EHHADH: variants seen among roughly 807,000 people sequenced by gnomAD.
The protein encoded by EHHADH is enoyl-CoA hydratase and 3-hydroxyacyl CoA dehydrogenase.
A neutral mutation model predicts 64.4 loss-of-function variants in EHHADH; 48 were observed. The ratio of observed to expected loss-of-function variants is 0.75; its 90% CI spans 0.59 to 0.95. The LOEUF is 0.95. Ranked by LOEUF, EHHADH falls within the 40% of genes least tolerant of loss-of-function variation. The pLI is 0.00. For synonymous variants in EHHADH, 308 were observed against 326.7 expected (o/e 0.94, Z 0.62); for missense variants, 854 against 876.6 (o/e 0.97, Z 0.33).
Position 185,204,420 on chromosome 3 carries a change from A to C in EHHADH, c.906T>G (p.Val302=). 6.2e-7 allele frequency: 1 copy of C among 1,600,366 alleles called. No individual in the cohort carries two copies. The highest frequency in any genetic ancestry group is 8.5e-7 in the Non-Finnish European group (1 of 1,172,990). Reference sequence around the variant, plus strand: ...TTCATTACCCCATGGTCTTACCAACAACACCAACTGAGGAGACAGGCCGCG... The same window carrying C: ...TTCATTACCCCATGGTCTTACCAACCACACCAACTGAGGAGACAGGCCGCG... ...ASARPVSSVG[V]VGLGTMGRGI... Residue 302 remains valine (V), a synonymous_variant, in exon 6 of 7, where the codon GTT becomes GTG. Coordinates refer to ENST00000231887, the MANE Select transcript of EHHADH (RefSeq NM_001966.4).
intron 1 of EHHADH, among the ~76,000 whole-genome samples, chr3:185,251,818 A>C (rs543325637): frequency 6.6e-6 from 1 of 152,338 alleles, no homozygotes; most frequent in Admixed American, 6.5e-5. Flanking sequence ...AAAAGTTCAG[A>C]AGACAGACAA....
chr3:185,239,591 T>C (rs1036908976), intron 2 of EHHADH, among the ~76,000 whole-genome samples: 1 of 152,184 alleles, frequency 6.6e-6, no homozygotes, highest in Non-Finnish European at 1.5e-5. Context: ...TTGAACGTTA[T>C]TGGTGTATAG....
At chr3:185,251,226 GT>G (rs879700919) in intron 1 of EHHADH, among the ~76,000 whole-genome samples, 19 of 146,346 alleles carry the variant, frequency 1.3e-4, no homozygotes, top group East Asian at 4.0e-4. Context: ...TTTTTAGACA[GT>G]TTTTTTTTTT....
intron 5 of EHHADH, among the ~76,000 whole-genome samples, chr3:185,217,116 T>C (rs1253958601): frequency 6.6e-6 from 1 of 152,110 alleles, no homozygotes; most frequent in Non-Finnish European, 1.5e-5. Context: ...CATGTTGAAA[T>C]GTGGTCCCCA....
In EHHADH at chr3:185,192,304, T is replaced by A. The variant is rs370130327; in HGVS notation, c.2094A>T (p.Leu698=). 2.5e-6 allele frequency: 4 copies of A among 1,614,084 alleles called. No individual in the cohort carries two copies. The highest frequency in any genetic ancestry group is 3.3e-5 in the Admixed American group (2 of 60,004). ...DIPQLEPSDY[L]KKLASQGNPP... is the part of the protein sequence containing the mutation. ...GGTTTCCCTGAGAAGCCAGTTTTTT[T>A]AGATAGTCACTTGGCTCCAGTTGGG... The change falls in exon 7 of 7, where the codon CTA becomes CTT. Residue 698 remains leucine, a synonymous_variant. Coordinates refer to ENST00000231887, the MANE Select transcript of EHHADH (RefSeq NM_001966.4).
chr3:185,207,220 G>T (rs1273916263), intron 5 of EHHADH, among the ~76,000 whole-genome samples: 1 of 151,708 alleles, frequency 6.6e-6, no homozygotes, highest in African/African-American at 2.4e-5. Context: ...AGCCTGAGAG[G>T]TTGCAGTGAG....
chr3:185,253,988 G>GC lies in EHHADH; in HGVS notation c.34dup (p.Ala12GlyfsTer20). 6.2e-7 allele frequency: 1 copy of GC among 1,613,932 alleles called. No individual in the cohort carries two copies. Among genetic ancestry groups the GC allele is most frequent in the Non-Finnish European group, 8.5e-7 (1 of 1,179,918 alleles). On this transcript the variant is annotated frameshift_variant, in exon 1 of 7. Transcript: ENST00000231887. LOFTEE classifies it high-confidence loss of function. ...CGGCGGGTTTCGGAGGCGGATTAGCGCCAAGGCGTTGTGCAGCCGCGTATA... is the reference window on the plus strand; with the variant it reads ...CGGCGGGTTTCGGAGGCGGATTAGCGCCCAAGGCGTTGTGCAGCCGCGTATA...
intron 2 of EHHADH, among the ~76,000 whole-genome samples, chr3:185,238,235 TTTTGATATAATAATA>T (rs1427347944): frequency 2.0e-5 from 3 of 152,192 alleles, no homozygotes; most frequent in African/African-American, 7.2e-5. Context: ...TACAGGTATC[TTTTGATATAATAATA>T]TATTTTCCTT....
rs148084528 is a variant in EHHADH at position 185,200,803 on chromosome 3, C to T, written c.910+3613G>A. On this transcript the variant is annotated intron_variant, in intron 6 of 6. Transcript: ENST00000231887. Reference sequence around the variant, plus strand: ...GGTGTGGTGTGAGAACGTGAACTTGCAGGGTTACTAATCAGAACTGCGTCT... The same window carrying T: ...GGTGTGGTGTGAGAACGTGAACTTGTAGGGTTACTAATCAGAACTGCGTCT... 4.4e-3 allele frequency among the ~76,000 whole-genome samples: 664 copies of T among 152,236 alleles called. 10 individuals are homozygous for T. The highest frequency in any genetic ancestry group is 0.015 in the African/African-American group (608 of 41,540).
At position 185,208,171 on chromosome 3, in the gene EHHADH, G is replaced by A. The variant is rs562778633; in HGVS notation, c.569-3414C>T. ...GCTGCCCTGTTGTGAGCCACCCTAT[G>A]GTGAAGCCCACGTGGCAAAGAACTG... On this transcript the variant is annotated intron_variant, in intron 5 of 6. Transcript: ENST00000231887. Among the ~76,000 whole-genome samples the A allele has an allele frequency of 1.2e-4, 19 of 152,314 alleles. No individual in the cohort carries two copies. The South Asian group carries it at 3.7e-3, about 30-fold the overall frequency.
At chr3:185,236,790 C>A (rs973583274) in intron 2 of EHHADH, among the ~76,000 whole-genome samples, 1 of 152,078 alleles carries the variant, frequency 6.6e-6, no homozygotes, top group Non-Finnish European at 1.5e-5. Flanking sequence ...AAGTCTCAAG[C>A]CTATCATTCC....
At chr3:185,239,350 T>C (rs1036392535) in intron 2 of EHHADH, among the ~76,000 whole-genome samples, 30 of 152,322 alleles carry the variant, frequency 2.0e-4, no homozygotes, top group African/African-American at 5.3e-4. Context: ...AGGAATTGCA[T>C]TGAATCTGTA....
chr3:185,244,754 G>A (rs1231449089), intron 2 of EHHADH, among the ~76,000 whole-genome samples: 1 of 152,124 alleles, frequency 6.6e-6, no homozygotes, highest in African/African-American at 2.4e-5. Flanking sequence ...TAAGAAGCTA[G>A]AAGAGGCAAG....
intron 1 of EHHADH, among the ~76,000 whole-genome samples, chr3:185,250,053 T>C (rs79708594): frequency 1.3e-3 from 200 of 152,298 alleles, no homozygotes; most frequent in African/African-American, 4.5e-3. Flanking sequence ...GAGAAAATAA[T>C]TGAGGCCCCT....
Position 185,221,231 on chromosome 3 carries a change from A to G in EHHADH, c.464-2991T>C, listed in dbSNP as rs182641664. Reference sequence around the variant, plus strand: ...TATCTGTAAACCCTCAAATTTACAGACTCATTTTACACTATTATGATTTCC... The same window carrying G: ...TATCTGTAAACCCTCAAATTTACAGGCTCATTTTACACTATTATGATTTCC... On this transcript the variant is annotated intron_variant, in intron 4 of 6. Coordinates refer to ENST00000231887, the MANE Select transcript of EHHADH (RefSeq NM_001966.4). 6.6e-5 allele frequency among the ~76,000 whole-genome samples: 10 copies of G among 152,130 alleles called. No individual in the cohort carries two copies. The East Asian group carries it at 1.9e-3, about 29-fold the overall frequency.
chr3:185,239,771 T>C (rs1277559364), intron 2 of EHHADH, among the ~76,000 whole-genome samples: 1 of 152,154 alleles, frequency 6.6e-6, no homozygotes, highest in Non-Finnish European at 1.5e-5. Context: ...TGCCTTTTAT[T>C]TCTTTCTGTT....
rs147612086 is a variant in EHHADH at position 185,248,253 on chromosome 3, T to A, written c.178+161A>T. On this transcript the variant is annotated intron_variant, in intron 2 of 6. Coordinates refer to ENST00000231887, the MANE Select transcript of EHHADH (RefSeq NM_001966.4). ...TAAGCCCTTCTCTGGGTCTCTCTTG[T>A]AATTCCTGTCCCTTTCTCCACAGTG... The A allele has an allele frequency of 3.3e-3, 2,076 of 634,530 alleles. 36 individuals carry two copies. The African/African-American group carries it at 0.033, about 10-fold the overall frequency. The allele number at this position is 634,530 out of a possible 1,614,324, so 39.3% of individuals were successfully genotyped here. A position where few individuals can be genotyped will look rare whatever the true frequency, so the allele number is the denominator to read the frequency against.
chr3:185,221,719 C>G (rs1718840018), intron 4 of EHHADH, among the ~76,000 whole-genome samples: 3 of 151,794 alleles, frequency 2.0e-5, no homozygotes, highest in Admixed American at 2.0e-4. Context: ...ACTACAGGCC[C>G]ATGCCACCAC....
Position 185,248,486 on chromosome 3 carries a change from G to A in EHHADH, c.106C>T (p.Leu36=). 1 of 1,613,544 alleles carries A rather than the reference G, an allele frequency of 6.2e-7. No homozygotes were observed. The highest frequency in any genetic ancestry group is 8.5e-7 in the Non-Finnish European group (1 of 1,179,702). Residue 36 remains leucine (L), a synonymous_variant, in exon 2 of 7, where the codon CTA becomes TTA. Transcript: ENST00000231887. Reference sequence around the variant, plus strand: ...GTATGGTCTATTACAGCTTTCTGTAGTCCTTCTTTTATGTCACGGAGTAAA... The same window carrying A: ...GTATGGTCTATTACAGCTTTCTGTAATCCTTCTTTTATGTCACGGAGTAAA... ...TTLLRDIKEG[L]QKAVIDHTIK... is the part of the protein sequence containing the mutation.
Sources: gnomAD v4.1 joint callset for allele counts (sites outside exome capture counted in the v4.1 genomes callset) on GRCh38, gnomAD v4.1.1 for gene constraint, MANE v1.5 for transcripts, NCBI Gene and HGNC (gene_info 2026-07-23, HGNC 2026-07-21) for gene names.